Variants in BBS1 observed in about 807,000 individuals in gnomAD.
BBS1 encodes BBSome complex member BBS1.
In BBS1, 60 loss-of-function variants were observed where a neutral mutation model predicts 73.9. That is an observed-to-expected ratio of 0.81 (90% confidence interval 0.66 to 1.01). The LOEUF is 1.01. Among genes scored for constraint, BBS1 ranks in the 50% least tolerant of loss-of-function variants. The pLI is 0.00. For missense variants in BBS1, 718 were observed against 770.3 expected (o/e 0.93, Z 0.80); for synonymous variants, 283 against 317.4 (o/e 0.89, Z 1.15).
chr11:66,525,506 T>C (rs1336070241), intron 11 of BBS1, among the ~76,000 whole-genome samples: 1 of 151,234 alleles, frequency 6.6e-6, no homozygotes, highest in Non-Finnish European at 1.5e-5. Context: ...GAGGTTGCAG[T>C]GAGCTGGAGA....
intron 3 of BBS1, among the ~76,000 whole-genome samples, chr11:66,512,601 T>C (rs1401048040): frequency 1.3e-5 from 2 of 152,180 alleles, no homozygotes; most frequent in South Asian, 2.1e-4. Flanking sequence ...TTCCATGATA[T>C]TGATTGAATA....
In BBS1 at chr11:66,510,713, G is replaced by C. The variant is rs370342126; in HGVS notation, c.47+7G>C. 5.6e-6 allele frequency: 9 copies of C among 1,614,026 alleles called. No individual in the cohort carries two copies. In the African/African-American group the frequency reaches 1.2e-4, roughly 22 times the overall value. Reference sequence around the variant, plus strand: ...ACGCCTGCGGAGCTGAGAGGTGAAGGCAGGGCTCCTCAAGGCCTCTTTTCC... The same window carrying C: ...ACGCCTGCGGAGCTGAGAGGTGAAGCCAGGGCTCCTCAAGGCCTCTTTTCC... On this transcript the variant is annotated splice_region_variant and intron_variant, in intron 1 of 16. Coordinates refer to ENST00000318312, the MANE Select transcript of BBS1 (RefSeq NM_024649.5).
chr11:66,532,631 G>C lies in BBS1; in HGVS notation c.*594G>C. ...CCCAGGAAACTTCTCTGAAATCTTA[G>C]ACTTAGCCAGTCTTAGGCCTACGAT... is the stretch of plus-strand genomic sequence containing the variant. On this transcript the variant is annotated 3_prime_UTR_variant, in exon 17 of 17. Coordinates refer to ENST00000318312, the MANE Select transcript of BBS1 (RefSeq NM_024649.5). 6.5e-6 allele frequency: 1 copy of C among 154,966 alleles called. No individual in the cohort carries two copies. Among genetic ancestry groups the C allele is most frequent in the Non-Finnish European group, 1.4e-5 (1 of 69,720 alleles). The allele number at this position is 154,966 out of a possible 1,614,324, so 9.6% of individuals were successfully genotyped here.
chr11:66,524,731 A>G (rs1191789903), intron 11 of BBS1, among the ~76,000 whole-genome samples: 1 of 152,192 alleles, frequency 6.6e-6, no homozygotes, highest in Non-Finnish European at 1.5e-5. Flanking sequence ...GTAGATCACA[A>G]CCAGCAACAT....
At chr11:66,522,650 A>G (rs1295622974) in intron 9 of BBS1, among the ~76,000 whole-genome samples, 1 of 152,136 alleles carries the variant, frequency 6.6e-6, no homozygotes, top group African/African-American at 2.4e-5. Context: ...CCGGCCTAAC[A>G]TGCATTTTTT....
Position 66,514,590 on chromosome 11 carries a change from A to G in BBS1, c.344A>G (p.Tyr115Cys). The G allele has an allele frequency of 6.2e-7, 1 of 1,614,050 alleles. No homozygotes were observed. Among genetic ancestry groups the G allele is most frequent in the Non-Finnish European group, 8.5e-7 (1 of 1,180,034 alleles). The change falls in exon 4 of 17, where the codon TAT becomes TGT. Residue 115 changes from tyrosine to cysteine, a missense_variant. Physicochemically the swap from Tyr to Cys is radical, Grantham distance 194 (BLOSUM62 -2). Coordinates refer to ENST00000318312, the MANE Select transcript of BBS1 (RefSeq NM_024649.5). ...GCTTCAGGCCCTTGTGTCTATGTGTATAAGAATCTCAGACCCTACTTCAAG... is the reference window on the plus strand; with the variant it reads ...GCTTCAGGCCCTTGTGTCTATGTGTGTAAGAATCTCAGACCCTACTTCAAG... ...ALASGPCVYV[Y>C]KNLRPYFKFS...
At position 66,529,935 on chromosome 11, in the gene BBS1, C is replaced by T. The variant is rs554803383; in HGVS notation, c.1456C>T (p.Leu486Phe). The change falls in exon 14 of 17, where the codon CTC becomes TTC. Residue 486 changes from leucine to phenylalanine, a missense_variant. By Grantham distance (22) the Leu-to-Phe change is conservative. Coordinates refer to ENST00000318312, the MANE Select transcript of BBS1 (RefSeq NM_024649.5). The stretch of plus-strand genomic sequence containing the variant: ...CCTGTCCACGACAGCCCGAGAGCCA[C>T]TCAAGCTGCACGCCGTGGTGAGCAT... Reference protein sequence around the residue: ...SPLSTTAREPLKLHAVVQGLG... With the variant: ...SPLSTTAREPFKLHAVVQGLG... 6.2e-7 allele frequency: 1 copy of T among 1,604,292 alleles called. No homozygotes were observed. Among genetic ancestry groups the T allele is most frequent in the Non-Finnish European group, 8.5e-7 (1 of 1,179,590 alleles).
intron 4 of BBS1, among the ~76,000 whole-genome samples, chr11:66,514,973 G>A (rs573018117): frequency 3.9e-5 from 6 of 152,166 alleles, no homozygotes; most frequent in Non-Finnish European, 5.9e-5. Context: ...CAGCAACCAC[G>A]CCTGGCGAAT....
At chr11:66,531,581 G>A (rs1171618942) in intron 15 of BBS1, 75 bp from the exon 16 acceptor site, 11 of 1,589,706 alleles carry the variant, frequency 6.9e-6, no homozygotes, top group East Asian at 2.2e-5. Context: ...TGGAGACTGC[G>A]GGCCTGAATG....
intron 13 of BBS1, 21 bp from the exon 14 acceptor site, chr11:66,529,798 C>T (rs756204827): frequency 6.2e-7 from 1 of 1,609,970 alleles, no homozygotes; most frequent in South Asian, 1.1e-5. Flanking sequence ...CACCGTCAGC[C>T]TCTGGGACCC....
chr11:66,511,986 A>T lies in BBS1; in HGVS notation c.159+747A>T, dbSNP rs981983648. Among the ~76,000 whole-genome samples, 8 of 147,536 alleles carry T rather than the reference A, an allele frequency of 5.4e-5. No individual in the cohort carries two copies. The East Asian group carries it at 1.4e-3, about 25-fold the overall frequency. On this transcript the variant is annotated intron_variant, in intron 3 of 16. Coordinates refer to ENST00000318312, the MANE Select transcript of BBS1 (RefSeq NM_024649.5). ...ACACTCCAGCCTGGATGACAGAGTG[A>T]GACAGTTTCAAAAAAAAATATATAT...
At position 66,533,425 on chromosome 11, in the gene BBS1, C is replaced by A. The variant is rs1856860608; in HGVS notation, c.*1388C>A. 1 of 152,204 alleles carries A rather than the reference C, an allele frequency of 6.6e-6. No homozygotes were observed. Among genetic ancestry groups the A allele is most frequent in the South Asian group, 2.1e-4 (1 of 4,832 alleles). The allele number at this position is 152,204 out of a possible 1,614,324, so 9.4% of individuals were successfully genotyped here. ...TCTTGCTTGATATATCAATCTTAGA[C>A]ATTACCTGTTGACTCCCTGTTGTCA... is the stretch of plus-strand genomic sequence containing the variant. On this transcript the variant is annotated 3_prime_UTR_variant, in exon 17 of 17. Coordinates refer to ENST00000318312, the MANE Select transcript of BBS1 (RefSeq NM_024649.5).
Position 66,519,644 on chromosome 11 carries a change from A to T in BBS1, c.619A>T (p.Lys207Ter). ...AGTCATCACCACCATGACCACCTTG[A>T]AGAAGAACCTGGCTGACGAGGATGC... ...QTVITTMTTLKKNLADEDAVS... is the reference protein window; with the variant it reads ...QTVITTMTTL The change falls in exon 8 of 17, where the codon AAG (lysine) becomes TAG (stop). Residue 207 changes from lysine to a stop codon, truncating the protein, a stop_gained. Transcript: ENST00000318312. LOFTEE classifies it high-confidence loss of function. 1 of 1,613,768 alleles carries T rather than the reference A, an allele frequency of 6.2e-7. No homozygotes were observed. The highest frequency in any genetic ancestry group is 8.5e-7 in the Non-Finnish European group (1 of 1,179,900).
chr11:66,510,771 G>T, intron 1 of BBS1, 65 bp downstream of exon 1: 5 of 1,601,496 alleles, frequency 3.1e-6, no homozygotes, highest in Non-Finnish European at 4.3e-6. Flanking sequence ...TGGTCCCCGG[G>T]CTCTGGGCTC....
At chr11:66,519,539 C>G in intron 7 of BBS1, 78 bp from the exon 8 acceptor site, 1 of 1,598,844 alleles carries the variant, frequency 6.3e-7, no homozygotes. Context: ...CCTCTTTCTT[C>G]CCTCATGTGG....
Position 66,531,006 on chromosome 11 carries a change from C to G in BBS1, c.1586C>G (p.Ser529Cys). The G allele has an allele frequency of 3.1e-6, 5 of 1,614,228 alleles. No homozygotes were observed. The highest frequency in any genetic ancestry group is 4.2e-6 in the Non-Finnish European group (5 of 1,180,040). The change falls in exon 15 of 17, where the codon TCC (serine) becomes TGC (cysteine). Residue 529 changes from serine (S) to cysteine (C), a missense_variant. Coordinates refer to ENST00000318312, the MANE Select transcript of BBS1 (RefSeq NM_024649.5). Reference sequence around the variant, plus strand: ...TTCCTGTACAACGAGGCGCTCTATTCCCTGCCCCGGGCCTTCTTCAAGGTA... The same window carrying G: ...TTCCTGTACAACGAGGCGCTCTATTGCCTGCCCCGGGCCTTCTTCAAGGTA... Reference protein sequence around the residue: ...VCFLYNEALYSLPRAFFKVPL... With the variant: ...VCFLYNEALYCLPRAFFKVPL...
intron 1 of BBS1, 26 bp from the exon 2 acceptor site, chr11:66,510,987 C>G (rs1403570818): frequency 6.2e-7 from 1 of 1,613,528 alleles, no homozygotes; most frequent in Non-Finnish European, 8.5e-7. Flanking sequence ...GGACTCACTC[C>G]CCAACTGTCT....
chr11:66,523,991 T>C (rs1197959786), intron 11 of BBS1, 109 bp downstream of exon 11: 10 of 1,501,060 alleles, frequency 6.7e-6, no homozygotes, highest in Non-Finnish European at 9.1e-6. Flanking sequence ...TCAAAAACAT[T>C]TGTTGAGGCC....
chr11:66,515,976 CATT>C (rs1170757507), intron 7 of BBS1, 43 bp downstream of exon 7: 5 of 1,602,020 alleles, frequency 3.1e-6, no homozygotes, highest in Non-Finnish European at 4.3e-6. Context: ...AAAAAATTTA[CATT>C]TTTTTAAAAG....
Sources: gnomAD v4.1 joint callset for allele counts (sites outside exome capture counted in the v4.1 genomes callset) on GRCh38, gnomAD v4.1.1 for gene constraint, MANE v1.5 for transcripts, NCBI Gene and HGNC (gene_info 2026-07-23, HGNC 2026-07-21) for gene names.